The following CNBD1 variants were observed in gnomAD, a reference collection of about 807,000 sequenced individuals.
CNBD1 encodes the protein cyclic nucleotide-binding domain-containing protein 1.
Under a neutral mutation model 54.4 loss-of-function variants are expected in CNBD1, and 71 were observed. The ratio of observed to expected loss-of-function variants is 1.30; its 90% CI spans 1.08 to 1.59. CNBD1 has a LOEUF of 1.59. CNBD1 is among the 40% of genes most tolerant of loss of function. CNBD1 has a pLI of 0.00. For missense variants in CNBD1, 659 were observed against 518.0 expected (o/e 1.27, Z -2.64); for synonymous variants, 182 against 170.7 (o/e 1.07, Z -0.51).
intron 10 of CNBD1, among the ~76,000 whole-genome samples, chr8:87,380,640 G>A (rs77596474): frequency 0.019 from 2,874 of 152,072 alleles, 93 homozygotes; most frequent in African/African-American, 0.063. Flanking sequence ...TTGTCTTCCA[G>A]TCTGTGAACG....
intron 4 of CNBD1, among the ~76,000 whole-genome samples, chr8:87,082,140 T>A (rs1220224149): frequency 6.6e-6 from 1 of 152,200 alleles, no homozygotes; most frequent in Non-Finnish European, 1.5e-5. Flanking sequence ...AAGATGACAT[T>A]TCACCATTGT....
In CNBD1 at chr8:87,089,781, G is replaced by GT. The variant is rs1367210135; in HGVS notation, c.432-116209dup. Among the ~76,000 whole-genome samples, 6 of 151,946 alleles carry GT rather than the reference G, an allele frequency of 3.9e-5. No individual in the cohort carries two copies. The East Asian group carries it at 1.2e-3, about 29-fold the overall frequency. ...AGAATTTAACTTTTTATTTCCTTCT[G>GT]TTTAAGTTTTTATACTATTGGATTA... On this transcript the variant is annotated intron_variant, in intron 4 of 10. Transcript: ENST00000518476.
At chr8:86,984,377 C>A (rs1808557686) in intron 4 of CNBD1, among the ~76,000 whole-genome samples, 1 of 152,114 alleles carries the variant, frequency 6.6e-6, no homozygotes, top group African/African-American at 2.4e-5. Flanking sequence ...GGGGTTGGAG[C>A]CCCAACACAG....
At chr8:87,206,267 G>A (rs1040739704) in intron 5 of CNBD1, 129 bp downstream of exon 5, 5 of 704,408 alleles carry the variant, frequency 7.1e-6, no homozygotes, top group African/African-American at 3.7e-5. Flanking sequence ...TACTATTTGG[G>A]TGTGTTTCAT....
At chr8:87,362,154 A>G (rs1281244232) in intron 10 of CNBD1, among the ~76,000 whole-genome samples, 1 of 152,060 alleles carries the variant, frequency 6.6e-6, no homozygotes. Context: ...AGTTTTTCTG[A>G]TCTGCAAGGA....
chr8:87,349,189 T>G (rs1187740207), intron 8 of CNBD1, among the ~76,000 whole-genome samples: 2 of 152,130 alleles, frequency 1.3e-5, no homozygotes, highest in African/African-American at 4.8e-5. Flanking sequence ...ATTTTCTATA[T>G]AAGGGAGGAG....
intron 10 of CNBD1, among the ~76,000 whole-genome samples, chr8:87,374,408 A>G (rs1469155572): frequency 6.6e-6 from 1 of 151,902 alleles, no homozygotes; most frequent in Non-Finnish European, 1.5e-5. Context: ...AAAATACCAC[A>G]TTTAAGATAG....
intron 4 of CNBD1, among the ~76,000 whole-genome samples, chr8:87,048,773 C>A (rs997409937): frequency 6.6e-6 from 1 of 152,186 alleles, no homozygotes. Context: ...AGTCTTCTGC[C>A]AGATAACTTC....
intron 10 of CNBD1, among the ~76,000 whole-genome samples, chr8:87,372,081 A>G (rs933295604): frequency 2.6e-5 from 4 of 152,056 alleles, no homozygotes; most frequent in Non-Finnish European, 5.9e-5. Flanking sequence ...TTGTATATCC[A>G]GAAAACCCCA....
chr8:86,912,389 T>G (rs1423476937), intron 3 of CNBD1, among the ~76,000 whole-genome samples: 1 of 152,096 alleles, frequency 6.6e-6, no homozygotes, highest in African/African-American at 2.4e-5. Flanking sequence ...TATGCAGTCA[T>G]GCACTGCATA....
In CNBD1 at chr8:87,120,938, G is replaced by A. The variant is rs566933794; in HGVS notation, c.432-85055G>A. ...TGGGCACATACATCAGTTGGCAAGT[G>A]TTTCCTCTAATTTTCTGAAAGCACT... On this transcript the variant is annotated intron_variant, in intron 4 of 10. Transcript: ENST00000518476. Among the ~76,000 whole-genome samples, 12 of 152,008 alleles carry A rather than the reference G, an allele frequency of 7.9e-5. No homozygotes were observed. In the East Asian group the frequency reaches 9.7e-4, roughly 12 times the overall value.
chr8:87,013,397 A>C (rs1345640209), intron 4 of CNBD1, among the ~76,000 whole-genome samples: 2 of 152,146 alleles, frequency 1.3e-5, no homozygotes, highest in East Asian at 3.9e-4. Context: ...TTCTCAAAAG[A>C]GGTTTATGGC....
At chr8:86,874,436 G>T (rs1241830163) in intron 1 of CNBD1, among the ~76,000 whole-genome samples, 1 of 152,008 alleles carries the variant, frequency 6.6e-6, no homozygotes, top group Non-Finnish European at 1.5e-5. Flanking sequence ...ATCTCAGTTT[G>T]CCCCACTCTT....
chr8:87,254,407 T>C (rs1311055086), intron 6 of CNBD1, among the ~76,000 whole-genome samples: 1 of 152,210 alleles, frequency 6.6e-6, no homozygotes. Context: ...TAATTTGTGA[T>C]ATAATTTTTG....
intron 8 of CNBD1, among the ~76,000 whole-genome samples, chr8:87,343,324 C>A (rs780828301): frequency 5.9e-5 from 9 of 152,260 alleles, no homozygotes; most frequent in Non-Finnish European, 1.2e-4. Context: ...ACAGTTAACA[C>A]AATCATCACA....
At chr8:87,258,121 C>T (rs991722103) in intron 6 of CNBD1, among the ~76,000 whole-genome samples, 6 of 151,970 alleles carry the variant, frequency 3.9e-5, no homozygotes, top group African/African-American at 1.2e-4. Flanking sequence ...CTTTAAGTGC[C>T]CTCTGTATCA....
At chr8:87,411,315 T>A (rs1026773443) in intron 2 of CNBD1, among the ~76,000 whole-genome samples, 1 of 150,016 alleles carries the variant, frequency 6.7e-6, no homozygotes, top group Admixed American at 6.7e-5. Context: ...ATGTTTAACT[T>A]GTGATTCACC....
intron 4 of CNBD1, among the ~76,000 whole-genome samples, chr8:87,034,782 A>T (rs1223124401): frequency 1.3e-5 from 2 of 152,182 alleles, no homozygotes; most frequent in Non-Finnish European, 2.9e-5. Flanking sequence ...AGACAAATTT[A>T]GTATATTTGT....
At chr8:86,922,101 G>T (rs1449616779) in intron 3 of CNBD1, among the ~76,000 whole-genome samples, 1 of 152,112 alleles carries the variant, frequency 6.6e-6, no homozygotes, top group East Asian at 1.9e-4. Flanking sequence ...AGAAGAGAAA[G>T]ATTATCTGAG....
Sources: gnomAD v4.1 joint callset for allele counts (sites outside exome capture counted in the v4.1 genomes callset) on GRCh38, gnomAD v4.1.1 for gene constraint, MANE v1.5 for transcripts, NCBI Gene and HGNC (gene_info 2026-07-23, HGNC 2026-07-21) for gene names.